The following RBFOX3 variants were observed in gnomAD, a reference collection of about 807,000 sequenced individuals.
The protein encoded by RBFOX3 is RNA binding fox-1 homolog 3.
Under a neutral mutation model 48.7 loss-of-function variants are expected in RBFOX3, and 17 were observed. That is an observed-to-expected ratio of 0.35 (90% CI 0.24 to 0.52). The LOEUF (loss-of-function observed/expected upper bound fraction) is 0.52. Among genes scored for constraint, RBFOX3 ranks in the 20% least tolerant of loss-of-function variants. RBFOX3 has a pLI of 0.94. For missense variants in RBFOX3, 382 were observed against 497.5 expected, an observed-to-expected ratio of 0.77 and a Z score of 2.21; for synonymous variants, 212 against 209.5, an observed-to-expected ratio of 1.01 and a Z score of -0.10.
intron 2 of RBFOX3, among the ~76,000 whole-genome samples, chr17:79,433,392 A>G (rs994627009): frequency 6.6e-6 from 1 of 152,150 alleles, no homozygotes; most frequent in East Asian, 1.9e-4. Flanking sequence ...CACTGTTCCC[A>G]CTTCTGTCAT....
At chr17:79,118,989 A>AAT (rs1568165774) in intron 4 of RBFOX3, among the ~76,000 whole-genome samples, 1 of 148,412 alleles carries the variant, frequency 6.7e-6, no homozygotes, top group Non-Finnish European at 1.5e-5. Context: ...AAAAAAAAAA[A>AAT]AAAATAAAGA....
At chr17:79,404,995 G>A (rs1054980875) in intron 2 of RBFOX3, among the ~76,000 whole-genome samples, 1 of 152,140 alleles carries the variant, frequency 6.6e-6, no homozygotes, top group Non-Finnish European at 1.5e-5. Flanking sequence ...GCATCGGATC[G>A]TCCCACCCAC....
intron 4 of RBFOX3, among the ~76,000 whole-genome samples, chr17:79,143,856 T>C (rs1483017978): frequency 6.6e-6 from 1 of 152,190 alleles, no homozygotes; most frequent in Non-Finnish European, 1.5e-5. Flanking sequence ...CGACCTGCAG[T>C]GCCTGGGCTC....
intron 1 of RBFOX3, among the ~76,000 whole-genome samples, chr17:79,558,657 T>G (rs1445846285): frequency 6.6e-6 from 1 of 152,100 alleles, no homozygotes; most frequent in Non-Finnish European, 1.5e-5. Flanking sequence ...CGGACACATT[T>G]GGAAATTTAC....
At chr17:79,630,216 C>A in the RBFOX3 span, among the ~76,000 whole-genome samples, 1 of 152,172 alleles carries the variant, frequency 6.6e-6, no homozygotes, top group Admixed American at 6.5e-5. Context: ...GCTCGAGAAC[C>A]CCGCAGAGTC....
At chr17:79,186,296 G>A (rs2053376401) in intron 4 of RBFOX3, among the ~76,000 whole-genome samples, 2 of 152,272 alleles carry the variant, frequency 1.3e-5, no homozygotes, top group Admixed American at 1.3e-4. Context: ...GAACGTGTGT[G>A]TTTGGCTTAT....
intron 2 of RBFOX3, among the ~76,000 whole-genome samples, chr17:79,316,087 A>C (rs2145848193): frequency 6.6e-6 from 1 of 152,154 alleles, no homozygotes; most frequent in Non-Finnish European, 1.5e-5. Flanking sequence ...CCCACTGAGC[A>C]GGCTGGGAGC....
chr17:79,139,639 C>T (rs959908541), intron 4 of RBFOX3, among the ~76,000 whole-genome samples: 4 of 152,206 alleles, frequency 2.6e-5, no homozygotes, highest in African/African-American at 7.2e-5. Flanking sequence ...TGTGGGTGGG[C>T]ACGTGGCTGT....
At chr17:79,286,508 C>T (rs1405404412) in intron 3 of RBFOX3, among the ~76,000 whole-genome samples, 2 of 152,214 alleles carry the variant, frequency 1.3e-5, no homozygotes, top group Admixed American at 6.5e-5. Context: ...GGGTGCTTCA[C>T]GCCCGGCCCC....
At chr17:79,525,972 C>A (rs1023460309) in intron 1 of RBFOX3, among the ~76,000 whole-genome samples, 3 of 152,172 alleles carry the variant, frequency 2.0e-5, no homozygotes, top group Non-Finnish European at 4.4e-5. Context: ...CCACCCCCGA[C>A]GGCCATTGGC....
rs995526073 is a variant in RBFOX3, at chr17:79,243,402, C to T, written c.-73-7597G>A. Among the ~76,000 whole-genome samples the T allele has an allele frequency of 4.6e-5, 7 of 152,162 alleles. No individual in the cohort carries two copies. The highest frequency in any genetic ancestry group is 2.1e-4 in the South Asian group (1 of 4,830). On this transcript the variant is annotated intron_variant, in intron 3 of 14. Coordinates refer to ENST00000693108, the MANE Select transcript of RBFOX3 (RefSeq NM_001350451.2). The surrounding 1 kb of genome is among the most constrained non-coding windows in gnomAD (Gnocchi z 7.9). ...CACCCCAGCACTTGTGCAGCCTCAA[C>T]GCCCAACATCAGCCCAAACCTTCTG...
intron 2 of RBFOX3, among the ~76,000 whole-genome samples, chr17:79,398,088 G>GC (rs1156809414): frequency 6.6e-6 from 1 of 152,124 alleles, no homozygotes; most frequent in East Asian, 1.9e-4. Context: ...CCTTGTCGGG[G>GC]CCCCAGAGTC....
At chr17:79,125,123 C>G (rs994454118) in intron 4 of RBFOX3, among the ~76,000 whole-genome samples, 11 of 152,190 alleles carry the variant, frequency 7.2e-5, no homozygotes, top group African/African-American at 2.7e-4. Flanking sequence ...AATGAGCGAG[C>G]CACCTGCTGC....
At chr17:79,624,765 G>A in the RBFOX3 span, among the ~76,000 whole-genome samples, 6 of 152,066 alleles carry the variant, frequency 3.9e-5, no homozygotes, top group Non-Finnish European at 8.8e-5. Context: ...CCTCTCCCAT[G>A]TCACTGAGGT....
the RBFOX3 span, among the ~76,000 whole-genome samples, chr17:79,637,233 G>A: frequency 6.6e-6 from 1 of 152,156 alleles, no homozygotes; most frequent in Non-Finnish European, 1.5e-5. Flanking sequence ...ACTCTCTATA[G>A]TGGACAGATG....
intron 3 of RBFOX3, among the ~76,000 whole-genome samples, chr17:79,303,569 G>A (rs1487786176): frequency 7.2e-5 from 11 of 151,998 alleles, no homozygotes; most frequent in Non-Finnish European, 1.5e-5. Context: ...CTTGCCTCCT[G>A]AAATAATAAG....
At chr17:79,374,568 T>C (rs1421824009) in intron 2 of RBFOX3, among the ~76,000 whole-genome samples, 1 of 152,198 alleles carries the variant, frequency 6.6e-6, no homozygotes, top group African/African-American at 2.4e-5. Context: ...ACCAGACTGA[T>C]GAGAAAATGC....
the RBFOX3 span, among the ~76,000 whole-genome samples, chr17:79,620,585 GCACACA>G: frequency 0.024 from 3,107 of 131,826 alleles, 72 homozygotes; most frequent in Middle Eastern, 0.06. Flanking sequence ...ACACACGCAC[GCACACA>G]CACGCACGCA....
At chr17:79,483,819 C>A (rs2079128998) in intron 1 of RBFOX3, among the ~76,000 whole-genome samples, 1 of 152,106 alleles carries the variant, frequency 6.6e-6, no homozygotes, top group South Asian at 2.1e-4. Flanking sequence ...AAGTTACTCC[C>A]CCATTAATAC....
Sources: allele counts gnomAD v4.1 joint callset (sites outside exome capture counted in the v4.1 genomes callset), GRCh38; gene constraint gnomAD v4.1.1; non-coding constraint Gnocchi (gnomAD v3.1); transcripts MANE v1.5; gene names NCBI Gene and HGNC (gene_info 2026-07-23, HGNC 2026-07-21).